The following TRIM42 variants were observed in gnomAD, a reference collection of about 807,000 sequenced individuals.
TRIM42 encodes the protein tripartite motif-containing protein 42.
Under a neutral mutation model 64.9 loss-of-function variants are expected in TRIM42, and 59 were observed. The observed-to-expected ratio is 0.91, with a 90% CI of 0.74 to 1.13. TRIM42 has a LOEUF of 1.13. Among genes scored for constraint, TRIM42 ranks in the 50% most tolerant of loss-of-function variants. TRIM42 has a pLI of 0.00. For synonymous variants in TRIM42, 354 were observed against 346.3 expected (o/e 1.02, Z -0.25); for missense variants, 878 against 929.5 (o/e 0.94, Z 0.72).
chr3:140,695,413 G>C (rs1291885930), intron 4 of TRIM42, among the ~76,000 whole-genome samples: 1 of 152,100 alleles, frequency 6.6e-6, no homozygotes, highest in African/African-American at 2.4e-5. Context: ...CATCAGACTT[G>C]GAGGTAAAAA....
intron 2 of TRIM42, among the ~76,000 whole-genome samples, chr3:140,685,809 C>A (rs1406639337): frequency 6.6e-6 from 1 of 152,200 alleles, no homozygotes; most frequent in African/African-American, 2.4e-5. Flanking sequence ...ATGTGTAACA[C>A]TATACAGTCA....
At position 140,687,736 on chromosome 3, in the gene TRIM42, GATA is replaced by G; in HGVS notation, c.1057_1059del (p.Asn353del). ...CATTTTTGCAGTCCGATATGAAATTGATAATGACCTAATGGAATTCAACATCTT... is the reference window on the plus strand; with the variant it reads ...CATTTTTGCAGTCCGATATGAAATTGATGACCTAATGGAATTCAACATCTT... On this transcript the variant is annotated inframe_deletion, in exon 3 of 5. Coordinates refer to ENST00000286349, the MANE Select transcript of TRIM42 (RefSeq NM_152616.5). 1 of 1,606,344 alleles carries G rather than the reference GATA, an allele frequency of 6.2e-7. No homozygotes were observed. Among genetic ancestry groups the G allele is most frequent in the Non-Finnish European group, 8.5e-7 (1 of 1,177,008 alleles).
Position 140,701,033 on chromosome 3 carries a change from A to G in TRIM42, c.*59A>G. ...TCACAAAGTAGACATATACACACAC[A>G]TATATGTATGTATATTTTTCTCACC... is the stretch of plus-strand genomic sequence containing the variant. On this transcript the variant is annotated 3_prime_UTR_variant, in exon 5 of 5. Coordinates refer to ENST00000286349, the MANE Select transcript of TRIM42 (RefSeq NM_152616.5). The G allele has an allele frequency of 7.1e-7, 1 of 1,406,880 alleles. No homozygotes were observed. 87.1% of individuals were successfully genotyped at this position (1,406,880 alleles called of 1,614,324 possible).
intron 3 of TRIM42, 91 bp from the exon 4 acceptor site, chr3:140,690,877 C>T (rs1219514550): frequency 9.2e-7 from 1 of 1,089,856 alleles, no homozygotes; most frequent in Non-Finnish European, 1.4e-6. Context: ...TTAAACTCAC[C>T]CCACAGATAG....
At position 140,682,647 on chromosome 3, in the gene TRIM42, A is replaced by G. The variant is rs1988432685; in HGVS notation, c.527A>G (p.His176Arg). The change falls in exon 2 of 5, where the codon CAC becomes CGC. Residue 176 changes from histidine (H) to arginine (R), a missense_variant. By Grantham distance (29) the His-to-Arg change is conservative. Transcript: ENST00000286349. ...AAGTGCCTGCGGCAGCTGCAGAAGC[A>G]CGCCGAGGTCACCGAGAACTTCTTC... The part of the protein sequence containing the change: ...CEKCLRQLQK[H>R]AEVTENFFIL... The G allele has an allele frequency of 1.9e-6, 3 of 1,613,764 alleles. No individual in the cohort carries two copies. In the Admixed American group the frequency reaches 5.0e-5, roughly 27 times the overall value.
intron 1 of TRIM42, among the ~76,000 whole-genome samples, chr3:140,681,356 T>G (rs1170218919): frequency 1.3e-5 from 2 of 152,230 alleles, no homozygotes; most frequent in African/African-American, 4.8e-5. Flanking sequence ...AGTTAAGCAC[T>G]TACATGGATT....
intron 3 of TRIM42, among the ~76,000 whole-genome samples, chr3:140,689,543 G>T (rs772601120): frequency 6.6e-6 from 1 of 152,100 alleles, no homozygotes; most frequent in South Asian, 2.1e-4. Context: ...TACTGCCAAT[G>T]CTGCTGTCTA....
rs768508531 is a variant in TRIM42, at chr3:140,700,945, A to G, written c.2143A>G (p.Ile715Val). The G allele has an allele frequency of 5.0e-6, 8 of 1,614,096 alleles. No individual in the cohort carries two copies. The Admixed American group carries it at 5.0e-5, about 10-fold the overall frequency. ...AGCTAAGTGGGGCCTGCTGAAGAAT[A>G]TCCAGTCTGCCCTCCAGAAGCACTT... ...NRAKWGLLKN[I>V]QSALQKHF The change falls in exon 5 of 5, where the codon ATC becomes GTC. Residue 715 changes from isoleucine to valine, a missense_variant. Ile to Val is a conservative substitution (Grantham distance 29). Coordinates refer to ENST00000286349, the MANE Select transcript of TRIM42 (RefSeq NM_152616.5).
intron 4 of TRIM42, among the ~76,000 whole-genome samples, chr3:140,694,295 A>C (rs1414550436): frequency 6.6e-6 from 1 of 152,222 alleles, no homozygotes; most frequent in Admixed American, 6.5e-5. Flanking sequence ...GCTCAGGTCC[A>C]TGAGGATAGG....
chr3:140,699,278 G>T (rs1282078024), intron 4 of TRIM42, among the ~76,000 whole-genome samples: 1 of 152,036 alleles, frequency 6.6e-6, no homozygotes, highest in Non-Finnish European at 1.5e-5. Context: ...TAAGGGAATT[G>T]GGCTCAATTT....
chr3:140,692,166 A>C, intron 4 of TRIM42, among the ~76,000 whole-genome samples: 1 of 148,584 alleles, frequency 6.7e-6, no homozygotes. Context: ...TCTCTCTCTC[A>C]CTCTCTCATT....
rs368045505 is a variant in TRIM42 at position 140,692,202 on chromosome 3, C to T, written c.2085+1010C>T. On this transcript the variant is annotated intron_variant, in intron 4 of 4. Coordinates refer to ENST00000286349, the MANE Select transcript of TRIM42 (RefSeq NM_152616.5). ...CTCTTTGCTTCTCTCTGGATCTGCA[C>T]CATTTTTGGCTAGCCCTTAGTTTCT... Among the ~76,000 whole-genome samples the T allele has an allele frequency of 6.0e-4, 92 of 152,120 alleles. 3 individuals carry two copies. The East Asian group carries it at 9.3e-3, about 15-fold the overall frequency.
At chr3:140,699,678 C>T (rs1042243634) in intron 4 of TRIM42, among the ~76,000 whole-genome samples, 1 of 152,200 alleles carries the variant, frequency 6.6e-6, no homozygotes, top group African/African-American at 2.4e-5. Flanking sequence ...TAACACCGTT[C>T]CATCTTCCTC....
At position 140,682,919 on chromosome 3, in the gene TRIM42, C is replaced by T; in HGVS notation, c.799C>T (p.His267Tyr). ...GTGCAACGACTGCCTCAAGGCCTTC[C>T]ACTCGGATGTGGCCATGCAAGACCA... is the stretch of plus-strand genomic sequence containing the variant. ...NLCNDCLKAF[H>Y]SDVAMQDHVF... The change falls in exon 2 of 5, where the codon CAC becomes TAC. Residue 267 changes from histidine (H) to tyrosine (Y), a missense_variant. Physicochemically the swap from His to Tyr is moderately conservative, Grantham distance 83. Transcript: ENST00000286349. The T allele has an allele frequency of 6.2e-7, 1 of 1,614,236 alleles. No homozygotes were observed. Among genetic ancestry groups the T allele is most frequent in the South Asian group, 1.1e-5 (1 of 91,084 alleles).
intron 1 of TRIM42, among the ~76,000 whole-genome samples, chr3:140,680,889 C>A (rs1363201004): frequency 6.6e-6 from 1 of 152,070 alleles, no homozygotes; most frequent in Non-Finnish European, 1.5e-5. Context: ...GCCAAGGGAG[C>A]AGGGAAGACA....
At chr3:140,691,535 G>A (rs936399101) in intron 4 of TRIM42, among the ~76,000 whole-genome samples, 3 of 152,182 alleles carry the variant, frequency 2.0e-5, no homozygotes, top group Admixed American at 6.5e-5. Context: ...ATTGTGGTAC[G>A]AGAAAGATAA....
intron 4 of TRIM42, among the ~76,000 whole-genome samples, chr3:140,696,375 T>A (rs925640828): frequency 6.6e-6 from 1 of 152,254 alleles, no homozygotes; most frequent in Non-Finnish European, 1.5e-5. Context: ...TTACTCCTGA[T>A]AACACCTGAT....
chr3:140,680,643 T>A (rs1372739730), intron 1 of TRIM42: 2 of 984,644 alleles, frequency 2.0e-6, no homozygotes, highest in African/African-American at 3.5e-5. Flanking sequence ...ACATGGACAA[T>A]TAACCTGTAC....
At chr3:140,695,784 G>A (rs1007309055) in intron 4 of TRIM42, among the ~76,000 whole-genome samples, 3 of 152,026 alleles carry the variant, frequency 2.0e-5, no homozygotes, top group African/African-American at 7.2e-5. Flanking sequence ...CAAAGGTTAG[G>A]GTTGGAGGTC....
Sources: gnomAD v4.1 joint callset for allele counts (sites outside exome capture counted in the v4.1 genomes callset) on GRCh38, gnomAD v4.1.1 for gene constraint, MANE v1.5 for transcripts, NCBI Gene and HGNC (gene_info 2026-07-23, HGNC 2026-07-21) for gene names.